Variants in NPAP1 observed in about 807,000 individuals in gnomAD.
NPAP1 encodes the protein nuclear pore associated protein 1.
For synonymous variants in NPAP1, 616 were observed against 581.4 expected (o/e 1.06, Z -0.86); for missense variants, 1,483 against 1,454.5 (o/e 1.02, Z -0.32).
At position 24,676,747 on chromosome 15, in the gene NPAP1, A is replaced by T. The variant is rs139890361; in HGVS notation, c.880A>T (p.Ile294Phe). The change falls in exon 1 of 1, where the codon ATT becomes TTT. Residue 294 changes from isoleucine (I) to phenylalanine (F), a missense_variant. Physicochemically the swap from Ile to Phe is conservative, Grantham distance 21 (BLOSUM62 0). Coordinates refer to ENST00000329468, the MANE Select transcript of NPAP1 (RefSeq NM_018958.3). ...ACCGCCCAGCTCCCTAGGCTTGCCG[A>T]TTCCGCTGATGTCCGGAAAGAGGAT... ...EPPPSSLGLP[I>F]PLMSGKRMPD... 1.9e-6 allele frequency: 3 copies of T among 1,613,962 alleles called. No individual in the cohort carries two copies. The highest frequency in any genetic ancestry group is 2.5e-6 in the Non-Finnish European group (3 of 1,180,036).
Position 24,677,596 on chromosome 15 carries a change from A to C in NPAP1, c.1729A>C (p.Asn577His). 1 of 1,614,194 alleles carries C rather than the reference A, an allele frequency of 6.2e-7. No individual in the cohort carries two copies. The highest frequency in any genetic ancestry group is 8.5e-7 in the Non-Finnish European group (1 of 1,180,022). ...GACTGCGGTAGACCCTGAAGTAGTT[A>C]ATATGGATACTACTGCCCCATCTCA... ...SQTAVDPEVV[N>H]MDTTAPSQVV... Residue 577 changes from asparagine (N) to histidine (H), a missense_variant, in exon 1 of 1, where the codon AAT (asparagine) becomes CAT (histidine). By Grantham distance (68) the Asn-to-His change is moderately conservative. Transcript: ENST00000329468.
At position 24,675,849 on chromosome 15, in the gene NPAP1, G is replaced by T. The variant is rs750653097; in HGVS notation, c.-19G>T. 1 of 1,488,692 alleles carries T rather than the reference G, an allele frequency of 6.7e-7. No homozygotes were observed. The highest frequency in any genetic ancestry group is 1.3e-5 in the South Asian group (1 of 74,424). 92.2% of individuals were successfully genotyped at this position (1,488,692 alleles called of 1,614,324 possible). A position where few individuals can be genotyped will look rare whatever the true frequency, so the allele number is the denominator to read the frequency against. On this transcript the variant is annotated 5_prime_UTR_variant, in exon 1 of 1. Transcript: ENST00000329468. ...CACTGCTGACCCTGTTTTACGGTAG[G>T]AGGCACGGCTAGCTCTAAATGGGCA...
Position 24,677,020 on chromosome 15 carries a change from A to G in NPAP1, c.1153A>G (p.Lys385Glu), listed in dbSNP as rs1595615468. The G allele has an allele frequency of 1.2e-6, 2 of 1,613,980 alleles. No individual in the cohort carries two copies. Among genetic ancestry groups the G allele is most frequent in the Non-Finnish European group, 1.7e-6 (2 of 1,180,012 alleles). ...AAGGAATAGCAGAATCTTGGAGGATAAAACAGAGACCATGACAAACAGCAG... is the reference window on the plus strand; with the variant it reads ...AAGGAATAGCAGAATCTTGGAGGATGAAACAGAGACCATGACAAACAGCAG... ...YKRNSRILEDKTETMTNSSIT... is the reference protein window; with the variant it reads ...YKRNSRILEDETETMTNSSIT... Residue 385 changes from lysine to glutamate, a missense_variant, in exon 1 of 1, where the codon AAA (lysine) becomes GAA (glutamate). By Grantham distance (56) the Lys-to-Glu change is moderately conservative. Transcript: ENST00000329468.
In NPAP1 at chr15:24,677,254, C is replaced by G. The variant is rs771335179; in HGVS notation, c.1387C>G (p.Leu463Val). The G allele has an allele frequency of 1.2e-6, 2 of 1,614,150 alleles. No homozygotes were observed. The highest frequency in any genetic ancestry group is 1.1e-5 in the South Asian group (1 of 91,086). The change falls in exon 1 of 1, where the codon CTG becomes GTG. Residue 463 changes from leucine to valine, a missense_variant. Leu to Val is a conservative substitution (Grantham distance 32). Transcript: ENST00000329468. ...AGCATTCACAATCCCTAACTCTCCT[C>G]TGGCTCTTCCTGCTGACCTTGTTCC... Reference protein sequence around the residue: ...KIAFTIPNSPLALPADLVPIL... With the variant: ...KIAFTIPNSPVALPADLVPIL...
At position 24,680,732 on chromosome 15, in the gene NPAP1, G is replaced by T. The variant is rs1447046999; in HGVS notation, c.*1394G>T. 6.1e-6 allele frequency: 1 copy of T among 163,140 alleles called. No individual in the cohort carries two copies. Among genetic ancestry groups the T allele is most frequent in the Non-Finnish European group, 1.5e-5 (1 of 68,174 alleles). The allele number at this position is 163,140 out of a possible 1,614,324, so 10.1% of individuals were successfully genotyped here. A position where few individuals can be genotyped will look rare whatever the true frequency, so the allele number is the denominator to read the frequency against. Reference sequence around the variant, plus strand: ...GGAAACCTGGCTTGACTGTTAACTTGGCTGACCCTACCTCTGGGCCAGTTC... The same window carrying T: ...GGAAACCTGGCTTGACTGTTAACTTTGCTGACCCTACCTCTGGGCCAGTTC... On this transcript the variant is annotated 3_prime_UTR_variant, in exon 1 of 1. Coordinates refer to ENST00000329468, the MANE Select transcript of NPAP1 (RefSeq NM_018958.3).
In NPAP1 at chr15:24,679,982, GGTTTGTTTGTTTGTTT is replaced by G. The variant is rs77362980; in HGVS notation, c.*665_*680del. The G allele has an allele frequency of 6.8e-5, 13 of 190,336 alleles. No homozygotes were observed. Among genetic ancestry groups the G allele is most frequent in the South Asian group, 1.4e-4 (1 of 7,002 alleles). 11.8% of individuals were successfully genotyped at this position (190,336 alleles called of 1,614,324 possible). A position where few individuals can be genotyped will look rare whatever the true frequency, so the allele number is the denominator to read the frequency against. Reference sequence around the variant, plus strand: ...GAGGAACCAGCATTGTTTTTGTTTTGGTTTGTTTGTTTGTTTGTTTGTTTGTTTGTTTGTTTTTGAG... The same window carrying G: ...GAGGAACCAGCATTGTTTTTGTTTTGGTTTGTTTGTTTGTTTGTTTTTGAG... On this transcript the variant is annotated 3_prime_UTR_variant, in exon 1 of 1. Coordinates refer to ENST00000329468, the MANE Select transcript of NPAP1 (RefSeq NM_018958.3).
At position 24,678,555 on chromosome 15, in the gene NPAP1, C is replaced by A. The variant is rs749298618; in HGVS notation, c.2688C>A (p.Ile896=). The A allele has an allele frequency of 6.2e-7, 1 of 1,614,148 alleles. No homozygotes were observed. Among genetic ancestry groups the A allele is most frequent in the Non-Finnish European group, 8.5e-7 (1 of 1,180,038 alleles). Residue 896 remains isoleucine (I), a synonymous_variant, in exon 1 of 1, where the codon ATC becomes ATA. Coordinates refer to ENST00000329468, the MANE Select transcript of NPAP1 (RefSeq NM_018958.3). The part of the protein sequence containing the change: ...TSSHPLNTGS[I]SHSTLGATDG... Reference sequence around the variant, plus strand: ...GCCATCCTTTAAATACAGGATCCATCTCTCATTCCACACTTGGGGCCACTG... The same window carrying A: ...GCCATCCTTTAAATACAGGATCCATATCTCATTCCACACTTGGGGCCACTG...
chr15:24,678,752 A>G lies in NPAP1; in HGVS notation c.2885A>G (p.Glu962Gly), dbSNP rs2141313375. 1 of 1,614,216 alleles carries G rather than the reference A, an allele frequency of 6.2e-7. No homozygotes were observed. Among genetic ancestry groups the G allele is most frequent in the Non-Finnish European group, 8.5e-7 (1 of 1,180,036 alleles). ...GCATTGGGCACACCTGTTAATGCTG[A>G]GCCAGTCGAGGGTCACAATGCAAGT... ...YTALGTPVNA[E>G]PVEGHNASAF... Residue 962 changes from glutamate to glycine, a missense_variant, in exon 1 of 1, where the codon GAG becomes GGG. Physicochemically the swap from Glu to Gly is moderately conservative, Grantham distance 98. Transcript: ENST00000329468.
At position 24,679,030 on chromosome 15, in the gene NPAP1, G is replaced by A. The variant is rs767802112; in HGVS notation, c.3163G>A (p.Gly1055Ser). 6.2e-7 allele frequency: 1 copy of A among 1,614,188 alleles called. No homozygotes were observed. Among genetic ancestry groups the A allele is most frequent in the Admixed American group, 1.7e-5 (1 of 60,026 alleles). Residue 1055 changes from glycine (G) to serine (S), a missense_variant, in exon 1 of 1, where the codon GGT becomes AGT. By Grantham distance (56) the Gly-to-Ser change is moderately conservative. Coordinates refer to ENST00000329468, the MANE Select transcript of NPAP1 (RefSeq NM_018958.3). The stretch of plus-strand genomic sequence containing the variant: ...CAGCACCACTTCTGTTTTCCCATTT[G>A]GTCAGGCAGCCTGGGACCCAACTGG... ...TPSTTSVFPF[G>S]QAAWDPTGHS... is the part of the protein sequence containing the mutation.
chr15:24,678,693 A>T lies in NPAP1; in HGVS notation c.2826A>T (p.Pro942=). ...AGCCACTGAGTGGCAGCATAATTCC[A>T]CCAGGTTTTGCAGAGTTAACATCAC... ...SVQPLSGSII[P]PGFAELTSPY... Residue 942 remains proline, a synonymous_variant, in exon 1 of 1, where the codon CCA becomes CCT. Coordinates refer to ENST00000329468, the MANE Select transcript of NPAP1 (RefSeq NM_018958.3). The T allele has an allele frequency of 6.2e-7, 1 of 1,614,096 alleles. No homozygotes were observed. Among genetic ancestry groups the T allele is most frequent in the South Asian group, 1.1e-5 (1 of 91,082 alleles).
rs757610017 is a variant in NPAP1 at position 24,676,835 on chromosome 15, A to G, written c.968A>G (p.Asn323Ser). The change falls in exon 1 of 1, where the codon AAC (asparagine) becomes AGC (serine). Residue 323 changes from asparagine (N) to serine (S), a missense_variant. Coordinates refer to ENST00000329468, the MANE Select transcript of NPAP1 (RefSeq NM_018958.3). Reference protein sequence around the residue: ...RSAAPPRAARNRPCKRKMSIP... With the variant: ...RSAAPPRAARSRPCKRKMSIP... ...GCTGCTCCTCCCAGAGCTGCCCGCAACAGGCCCTGCAAAAGGAAAATGTCG... is the reference window on the plus strand; with the variant it reads ...GCTGCTCCTCCCAGAGCTGCCCGCAGCAGGCCCTGCAAAAGGAAAATGTCG... 6.2e-6 allele frequency: 10 copies of G among 1,613,022 alleles called. No homozygotes were observed. In the East Asian group the frequency reaches 1.8e-4, roughly 29 times the overall value.
rs1566755949 is a variant in NPAP1, at chr15:24,677,078, C to T, written c.1211C>T (p.Pro404Leu). Residue 404 changes from proline to leucine, a missense_variant, in exon 1 of 1, where the codon CCT becomes CTT. By Grantham distance (98) the Pro-to-Leu change is moderately conservative (BLOSUM62 -3). Transcript: ENST00000329468. Reference sequence around the variant, plus strand: ...CAGCCTGCCCCTTCTTTCTCCCAACCTGTGCAGACCACAGACTCCCTGCCC... The same window carrying T: ...CAGCCTGCCCCTTCTTTCTCCCAACTTGTGCAGACCACAGACTCCCTGCCC... ...ITQPAPSFSQ[P>L]VQTTDSLPLT... is the part of the protein sequence containing the mutation. 1.9e-6 allele frequency: 3 copies of T among 1,614,106 alleles called. No individual in the cohort carries two copies. The Admixed American group carries it at 5.0e-5, about 27-fold the overall frequency.
chr15:24,678,243 C>T lies in NPAP1; in HGVS notation c.2376C>T (p.Phe792=), dbSNP rs60574723. 570,191 of 1,613,608 alleles carry T rather than the reference C, an allele frequency of 0.35. 102,844 individuals are homozygous for T. The highest frequency in any genetic ancestry group is 0.51 in the African/African-American group (38,436 of 74,864). ...CCTCTCTCCCCAGTGCCCATGATTT[C>T]CTGAGCCTTCCTATCATGGTTCCTC... ...QKTSLPSAHD[F]LSLPIMVPPD... Residue 792 remains phenylalanine, a synonymous_variant, in exon 1 of 1, where the codon TTC becomes TTT. Coordinates refer to ENST00000329468, the MANE Select transcript of NPAP1 (RefSeq NM_018958.3).
At position 24,678,453 on chromosome 15, in the gene NPAP1, C is replaced by G. The variant is rs370131918; in HGVS notation, c.2586C>G (p.His862Gln). 2 of 1,614,204 alleles carry G rather than the reference C, an allele frequency of 1.2e-6. No homozygotes were observed. Among genetic ancestry groups the G allele is most frequent in the Admixed American group, 1.7e-5 (1 of 60,030 alleles). ...MGLPGSGNTLHSDSIASAQVS... is the reference protein window; with the variant it reads ...MGLPGSGNTLQSDSIASAQVS... ...TTCCTGGTTCTGGGAACACACTACACAGTGACAGCATTGCCTCAGCCCAAG... is the reference window on the plus strand; with the variant it reads ...TTCCTGGTTCTGGGAACACACTACAGAGTGACAGCATTGCCTCAGCCCAAG... The change falls in exon 1 of 1, where the codon CAC (histidine) becomes CAG (glutamine). Residue 862 changes from histidine (H) to glutamine (Q), a missense_variant. Transcript: ENST00000329468.
Position 24,678,609 on chromosome 15 carries a change from T to C in NPAP1, c.2742T>C (p.Phe914=), listed in dbSNP as rs2048994551. 3.7e-6 allele frequency: 6 copies of C among 1,614,076 alleles called. No individual in the cohort carries two copies. In the East Asian group the frequency reaches 1.3e-4, roughly 36 times the overall value. The part of the protein sequence containing the change: ...TDGQQKSDSS[F]ILGNPATPAP... ...GGCAGCAGAAGTCTGACAGTTCTTT[T>C]ATTCTGGGGAATCCAGCAACCCCAG... The change falls in exon 1 of 1, where the codon TTT becomes TTC. Residue 914 remains phenylalanine, a synonymous_variant. Coordinates refer to ENST00000329468, the MANE Select transcript of NPAP1 (RefSeq NM_018958.3).
chr15:24,682,167 T>C lies in NPAP1; in HGVS notation c.*2829T>C, dbSNP rs2049022008. On this transcript the variant is annotated 3_prime_UTR_variant, in exon 1 of 1. Coordinates refer to ENST00000329468, the MANE Select transcript of NPAP1 (RefSeq NM_018958.3). ...TCACAGAGAAATTACTGAATTCCTC[T>C]TGGCACCCTGGGGCCTGATTCATTC... The C allele has an allele frequency of 6.0e-6, 1 of 167,094 alleles. No individual in the cohort carries two copies. Among genetic ancestry groups the C allele is most frequent in the Non-Finnish European group, 1.5e-5 (1 of 68,124 alleles). 10.4% of individuals were successfully genotyped at this position (167,094 alleles called of 1,614,324 possible).
In NPAP1 at chr15:24,677,610, T is replaced by C. The variant is rs1187106106; in HGVS notation, c.1743T>C (p.Thr581=). The C allele has an allele frequency of 2.5e-6, 4 of 1,614,098 alleles. No individual in the cohort carries two copies. The African/African-American group carries it at 4.0e-5, about 16-fold the overall frequency. The stretch of plus-strand genomic sequence containing the variant: ...CTGAAGTAGTTAATATGGATACTAC[T>C]GCCCCATCTCAGGTTGTTATTTTCA... ...VDPEVVNMDT[T]APSQVVIFTS... The change falls in exon 1 of 1, where the codon ACT becomes ACC. Residue 581 remains threonine (T), a synonymous_variant. Transcript: ENST00000329468.
chr15:24,676,330 G>T, the NPAP1 span: 1 of 1,525,412 alleles, frequency 6.6e-7, no homozygotes, highest in Non-Finnish European at 8.8e-7. Context: ...GTGGGCCCAA[G>T]AAGGGCCCAG....
At position 24,678,535 on chromosome 15, in the gene NPAP1, C is replaced by T. The variant is rs2141312839; in HGVS notation, c.2668C>T (p.Pro890Ser). 6.2e-7 allele frequency: 1 copy of T among 1,614,192 alleles called. No individual in the cohort carries two copies. Among genetic ancestry groups the T allele is most frequent in the East Asian group, 2.2e-5 (1 of 44,876 alleles). ...DRRPTTTSSH[P>S]LNTGSISHST... is the part of the protein sequence containing the mutation. ...GAGACCAACCACAACTTCCAGCCATCCTTTAAATACAGGATCCATCTCTCA... is the reference window on the plus strand; with the variant it reads ...GAGACCAACCACAACTTCCAGCCATTCTTTAAATACAGGATCCATCTCTCA... The change falls in exon 1 of 1, where the codon CCT becomes TCT. Residue 890 changes from proline to serine, a missense_variant. Transcript: ENST00000329468.
Sources: allele counts gnomAD v4.1 joint callset, GRCh38; gene constraint gnomAD v4.1.1; transcripts MANE v1.5; gene names NCBI Gene and HGNC (gene_info 2026-07-23, HGNC 2026-07-21).